Variants in MXRA5 observed in about 807,000 individuals in gnomAD.
MXRA5 encodes the protein matrix remodeling associated 5, also known as matrix-remodeling-associated protein 5.
MXRA5 carries 41 observed loss-of-function variants against 112.5 expected under a neutral mutation model. The ratio of observed to expected loss-of-function variants is 0.36; its 90% confidence interval spans 0.28 to 0.47. The LOEUF (loss-of-function observed/expected upper bound fraction) is 0.47. Ranked by LOEUF, MXRA5 falls within the 20% of genes least tolerant of loss-of-function variation. The probability of loss-of-function intolerance (pLI) is 0.99; values close to 1 mark genes in which losing one functional copy is unlikely to be tolerated. For synonymous variants in MXRA5, 862 were observed against 900.8 expected, an observed-to-expected ratio of 0.96 and a Z score of 0.77; for missense variants, 2,150 against 2,251.0, an observed-to-expected ratio of 0.96 and a Z score of 0.91.
At chrX:3,325,270 AAAC>A (rs1348340465) in intron 4 of MXRA5, among the ~76,000 whole-genome samples, 7 of 111,213 alleles carry the variant, frequency 6.3e-5, no homozygotes, top group African/African-American at 2.3e-4. Context: ...AAGTTAAAGA[AAAC>A]AACTTCATTC....
rs1368811377 is a variant in MXRA5, at chrX:3,311,643, AG to A, written c.6579-20del. On this transcript the variant is annotated intron_variant, in intron 6 of 6. Coordinates refer to ENST00000217939, the MANE Select transcript of MXRA5 (RefSeq NM_015419.4). ...ATCAAAACTACAGAAAAAAAGAAAAAGGAGTAAGATGTCAGTTTCCCAAATG... is the reference window on the plus strand; with the variant it reads ...ATCAAAACTACAGAAAAAAAGAAAAAGAGTAAGATGTCAGTTTCCCAAATG... The A allele has an allele frequency of 6.0e-6, 7 of 1,169,324 alleles. No homozygotes were observed. The highest frequency in any genetic ancestry group is 8.1e-6 in the Non-Finnish European group (7 of 862,794).
chrX:3,338,851 GTAGA>G (rs1460927471), intron 2 of MXRA5, among the ~76,000 whole-genome samples: 4 of 110,208 alleles, frequency 3.6e-5, no homozygotes, highest in Non-Finnish European at 5.7e-5. Context: ...AGATAGGTAG[GTAGA>G]TAGATATAGA....
intron 2 of MXRA5, among the ~76,000 whole-genome samples, chrX:3,342,076 C>T (rs1428506738): frequency 9.0e-6 from 1 of 110,722 alleles, no homozygotes; most frequent in South Asian, 3.8e-4. Flanking sequence ...GGAAGGAAAT[C>T]GTGTCCTTTC....
In MXRA5 at chrX:3,343,705, G is replaced by A. The variant is rs367781606; in HGVS notation, c.129C>T (p.Phe43=). 3.1e-4 allele frequency: 373 copies of A among 1,210,284 alleles called. No individual in the cohort carries two copies. The highest frequency in any genetic ancestry group is 4.1e-4 in the Non-Finnish European group (363 of 895,321). ...CAGCGGGCACGGAAGCCAGGGATCG[G>A]AACGTGCAGTGGACCTCGCTGGGGA... ...CYVPSEVHCT[F]RSLASVPAGI... Residue 43 remains phenylalanine (F), a synonymous_variant, in exon 2 of 7, where the codon TTC becomes TTT. Coordinates refer to ENST00000217939, the MANE Select transcript of MXRA5 (RefSeq NM_015419.4).
intron 2 of MXRA5, among the ~76,000 whole-genome samples, chrX:3,332,305 GCC>G (rs1491129846): frequency 6.3e-5 from 7 of 110,630 alleles, no homozygotes; most frequent in African/African-American, 2.0e-4. Context: ...GAGTGCAGTG[GCC>G]CATCTCGGCT....
At chrX:3,341,300 C>T (rs1921951339) in intron 2 of MXRA5, among the ~76,000 whole-genome samples, 1 of 39,905 alleles carries the variant, frequency 2.5e-5, no homozygotes, top group Non-Finnish European at 4.4e-5. Flanking sequence ...ATATAATATA[C>T]ATATTATATT....
chrX:3,328,263 A>G (rs771001350), intron 4 of MXRA5, among the ~76,000 whole-genome samples: 1 of 112,091 alleles, frequency 8.9e-6, no homozygotes, highest in South Asian at 3.7e-4. Context: ...AGCAGTAAAG[A>G]CTCCCAAGTA....
chrX:3,320,265 G>T lies in MXRA5; in HGVS notation c.5420C>A (p.Pro1807His). 1 of 1,211,415 alleles carries T rather than the reference G, an allele frequency of 8.3e-7. No individual in the cohort carries two copies. Among genetic ancestry groups the T allele is most frequent in the Admixed American group, 2.2e-5 (1 of 46,025 alleles). Reference sequence around the variant, plus strand: ...AGAACTCTGGGTGGAAGAGACCATAGGGATATTCTGTAAGTTAGTTGAGGG... The same window carrying T: ...AGAACTCTGGGTGGAAGAGACCATATGGATATTCTGTAAGTTAGTTGAGGG... ...GSPSTNLQNI[P>H]MVSSTQSSIS... is the part of the protein sequence containing the mutation. The change falls in exon 5 of 7, where the codon CCT becomes CAT. Residue 1807 changes from proline (P) to histidine (H), a missense_variant. Physicochemically the swap from Pro to His is moderately conservative, Grantham distance 77. Around this residue, in one of 6 missense-constraint regions of MXRA5, gnomAD observed 1,485 missense variants for 1,471.6 expected, o/e 1.01. Coordinates refer to ENST00000217939, the MANE Select transcript of MXRA5 (RefSeq NM_015419.4).
Position 3,323,873 on chromosome X carries a change from T to C in MXRA5, c.1812A>G (p.Ile604Met). The C allele has an allele frequency of 8.3e-7, 1 of 1,209,750 alleles. No homozygotes were observed. The highest frequency in any genetic ancestry group is 1.1e-6 in the Non-Finnish European group (1 of 894,137). ...GAATCCAGCTAAGGTGGGCTTCGGG[T>C]ATTGCTAAAGCATTGCAAGGCAATG... Reference protein sequence around the residue: ...SVTLPCNALAIPEAHLSWILP... With the variant: ...SVTLPCNALAMPEAHLSWILP... Residue 604 changes from isoleucine to methionine, a missense_variant, in exon 5 of 7, where the codon ATA becomes ATG. Around this residue, in one of 6 missense-constraint regions of MXRA5, gnomAD observed 1,485 missense variants for 1,471.6 expected, o/e 1.01. Coordinates refer to ENST00000217939, the MANE Select transcript of MXRA5 (RefSeq NM_015419.4).
Position 3,322,893 on chromosome X carries a change from T to C in MXRA5, c.2792A>G (p.Tyr931Cys). The change falls in exon 5 of 7, where the codon TAT becomes TGT. Residue 931 changes from tyrosine to cysteine, a missense_variant. Physicochemically the swap from Tyr to Cys is radical, Grantham distance 194. Coordinates refer to ENST00000217939, the MANE Select transcript of MXRA5 (RefSeq NM_015419.4). ...CGTCTCTTCATGGGTGGGCTTTTCA[T>C]AGACTGTGTCTAATGTGTGCAGAGT... ...SPTLHTLDTV[Y>C]EKPTHEETAT... is the part of the protein sequence containing the mutation. The C allele has an allele frequency of 8.3e-7, 1 of 1,211,485 alleles. No individual in the cohort carries two copies. The highest frequency in any genetic ancestry group is 1.1e-6 in the Non-Finnish European group (1 of 895,460).
At chrX:3,315,391 T>TAGAGAGATGATAGATAGATA (rs1555943433) in intron 6 of MXRA5, among the ~76,000 whole-genome samples, 1 of 56,708 alleles carries the variant, frequency 1.8e-5, no homozygotes, top group Non-Finnish European at 3.2e-5. Flanking sequence ...GATAGATAGA[T>TAGAGAGATGATAGATAGATA]GATAGATAGA....
intron 4 of MXRA5, among the ~76,000 whole-genome samples, chrX:3,326,186 T>TAATTATA (rs1370354629): frequency 7.7e-3 from 420 of 54,379 alleles, no homozygotes; most frequent in East Asian, 0.014. Context: ...ATATAATTTA[T>TAATTATA]AATTATAAGT....
chrX:3,311,385 G>A lies in MXRA5; in HGVS notation c.6818C>T (p.Pro2273Leu). The A allele has an allele frequency of 8.3e-7, 1 of 1,211,911 alleles. No homozygotes were observed. Among genetic ancestry groups the A allele is most frequent in the South Asian group, 1.8e-5 (1 of 56,977 alleles). ...GTCTGGGAGGCTCCAGGAGATCTCG[G>A]GATTGGGAAGCCCGGTGGCCACACA... ...VDCVATGLPN[P>L]EISWSLPDGS... The change falls in exon 7 of 7, where the codon CCC becomes CTC. Residue 2273 changes from proline (P) to leucine (L), a missense_variant. Around this residue, in one of 6 missense-constraint regions of MXRA5, gnomAD observed 1,485 missense variants for 1,471.6 expected, o/e 1.01. Coordinates refer to ENST00000217939, the MANE Select transcript of MXRA5 (RefSeq NM_015419.4).
chrX:3,344,157 CGAGAGAGAGAGA>C (rs377198782), intron 1 of MXRA5, among the ~76,000 whole-genome samples: 2 of 96,296 alleles, frequency 2.1e-5, no homozygotes, highest in South Asian at 4.9e-4. Context: ...CAGAGAGAGA[CGAGAGAGAGAGA>C]GAGAGAGAGA....
Position 3,309,960 on chromosome X carries a change from C to G in MXRA5, c.8243G>C (p.Gly2748Ala), listed in dbSNP as rs762406760. 8.3e-7 allele frequency: 1 copy of G among 1,211,192 alleles called. No individual in the cohort carries two copies. The highest frequency in any genetic ancestry group is 1.1e-6 in the Non-Finnish European group (1 of 895,272). ...CATGCAGTTCAGTTTCACGGTGTTC[C>G]CGGGCCGGGTGTAGATGACCGGGGT... is the stretch of plus-strand genomic sequence containing the variant. ...EPTPVIYTRP[G>A]NTVKLNCMAM... Residue 2748 changes from glycine to alanine, a missense_variant, in exon 7 of 7, where the codon GGG (glycine) becomes GCG (alanine). By Grantham distance (60) the Gly-to-Ala change is moderately conservative. Transcript: ENST00000217939.
rs746469832 is a variant in MXRA5, at chrX:3,323,505, T to A, written c.2180A>T (p.Lys727Met). The stretch of plus-strand genomic sequence containing the variant: ...CTTGTCTCCATTGATGGCATCATCC[T>A]TTGTTTTGAGGAACACCTCTTGGTC... ...PKDQEVFLKT[K>M]DDAINGDKKA... The change falls in exon 5 of 7, where the codon AAG (lysine) becomes ATG (methionine). Residue 727 changes from lysine (K) to methionine (M), a missense_variant. By Grantham distance (95) the Lys-to-Met change is moderately conservative. This residue lies in a region of MXRA5 where 1,485 missense variants were observed against 1,471.6 expected (regional missense o/e 1.01). Coordinates refer to ENST00000217939, the MANE Select transcript of MXRA5 (RefSeq NM_015419.4). The A allele has an allele frequency of 8.3e-7, 1 of 1,211,871 alleles. No homozygotes were observed. Among genetic ancestry groups the A allele is most frequent in the Non-Finnish European group, 1.1e-6 (1 of 895,543 alleles).
rs770406657 is a variant in MXRA5, at chrX:3,317,740, G to T, written c.5941C>A (p.Gln1981Lys). 24 of 1,205,416 alleles carry T rather than the reference G, an allele frequency of 2.0e-5. No individual in the cohort carries two copies. The highest frequency in any genetic ancestry group is 2.6e-5 in the Non-Finnish European group (23 of 892,413). ...ECLAKGTPAPQISWIFPDRRV... is the reference protein window; with the variant it reads ...ECLAKGTPAPKISWIFPDRRV... Reference sequence around the variant, plus strand: ...CTGTCAGGGAAGATCCAGGAAATTTGGGGGGCTGGGGTCCCTTTGGCCAGA... The same window carrying T: ...CTGTCAGGGAAGATCCAGGAAATTTTGGGGGCTGGGGTCCCTTTGGCCAGA... The change falls in exon 6 of 7, where the codon CAA becomes AAA. Residue 1981 changes from glutamine to lysine, a missense_variant. Transcript: ENST00000217939.
chrX:3,341,359 GTA>G (rs1324247114), intron 2 of MXRA5, among the ~76,000 whole-genome samples: 2 of 32,988 alleles, frequency 6.1e-5, no homozygotes, highest in Non-Finnish European at 1.0e-4. Context: ...TATATATTAT[GTA>G]TATATAATAT....
chrX:3,320,092 C>T lies in MXRA5; in HGVS notation c.5593G>A (p.Val1865Ile), dbSNP rs368273398. 172 of 1,209,446 alleles carry T rather than the reference C, an allele frequency of 1.4e-4. No individual in the cohort carries two copies. Among genetic ancestry groups the T allele is most frequent in the South Asian group, 7.2e-4 (41 of 56,696 alleles). ...ILTKSPQTVS[V>I]TAETDTVFPC... ...AACACAGTGTCTGTCTCAGCGGTGA[C>T]GGACACAGTCTGTGGGGACTTGGTG... The change falls in exon 5 of 7, where the codon GTC becomes ATC. Residue 1865 changes from valine (V) to isoleucine (I), a missense_variant. Physicochemically the swap from Val to Ile is conservative, Grantham distance 29. Around this residue, in one of 6 missense-constraint regions of MXRA5, gnomAD observed 1,485 missense variants for 1,471.6 expected, o/e 1.01. Transcript: ENST00000217939.
Sources: gnomAD v4.1 joint callset for allele counts (sites outside exome capture counted in the v4.1 genomes callset) on GRCh38, gnomAD v4.1.1 for gene constraint, gnomAD v4.1.1 regional missense constraint, MANE v1.5 for transcripts, NCBI Gene and HGNC (gene_info 2026-07-23, HGNC 2026-07-21) for gene names.